GNAQ: variants seen among roughly 807,000 people sequenced by gnomAD.
The protein encoded by GNAQ is G protein subunit alpha q.
GNAQ carries 8 observed loss-of-function variants against 43.9 expected under a neutral mutation model. The ratio of observed to expected loss-of-function variants is 0.18; its 90% CI spans 0.11 to 0.33. GNAQ has a LOEUF of 0.33. Ranked by LOEUF, GNAQ falls within the 10% of genes least tolerant of loss-of-function variation. The pLI is 1.00. For missense variants in GNAQ, 158 were observed against 450.8 expected, an observed-to-expected ratio of 0.35 and a Z score of 5.88; for synonymous variants, 155 against 170.7, an observed-to-expected ratio of 0.91 and a Z score of 0.71.
Position 77,794,467 on chromosome 9 carries a change from T to C in GNAQ, c.731A>G (p.Asn244Ser), listed in dbSNP as rs759267731. The change falls in exon 5 of 7, where the codon AAT (asparagine) becomes AGT (serine). Residue 244 changes from asparagine to serine, a missense_variant. Coordinates refer to ENST00000286548, the MANE Select transcript of GNAQ (RefSeq NM_002072.5). ...EYDQVLVESDNENRMEESKAL... is the reference protein window; with the variant it reads ...EYDQVLVESDSENRMEESKAL... ...GCCTGTCTAAAGAACACTTACCTCATTGTCTGACTCCACGAGAACTTGATC... is the reference window on the plus strand; with the variant it reads ...GCCTGTCTAAAGAACACTTACCTCACTGTCTGACTCCACGAGAACTTGATC... The C allele has an allele frequency of 1.7e-5, 27 of 1,593,042 alleles. No homozygotes were observed. Among genetic ancestry groups the C allele is most frequent in the Admixed American group, 5.1e-5 (3 of 59,140 alleles).
chr9:77,835,052 A>G (rs966316285), intron 2 of GNAQ, among the ~76,000 whole-genome samples: 2 of 152,140 alleles, frequency 1.3e-5, no homozygotes, highest in Non-Finnish European at 2.9e-5. Flanking sequence ...ATCCTAGTAT[A>G]CATTTTTTCC....
intron 2 of GNAQ, among the ~76,000 whole-genome samples, chr9:77,859,703 C>A (rs938848486): frequency 2.0e-5 from 3 of 152,172 alleles, no homozygotes; most frequent in Admixed American, 6.5e-5. Context: ...GGACAGACTG[C>A]ATAACAGCAG....
intron 2 of GNAQ, among the ~76,000 whole-genome samples, chr9:77,883,498 T>C (rs1828249790): frequency 6.6e-6 from 1 of 151,872 alleles, no homozygotes; most frequent in South Asian, 2.1e-4. Flanking sequence ...TCTGTGTTGT[T>C]GTTGTTTTAA....
At chr9:77,773,677 C>T (rs546719089) in intron 5 of GNAQ, among the ~76,000 whole-genome samples, 109 of 152,280 alleles carry the variant, frequency 7.2e-4, no homozygotes, top group African/African-American at 2.4e-3. Flanking sequence ...TTTAAAGTGA[C>T]GATTCACATT....
chr9:77,903,473 A>T (rs1032338545), intron 2 of GNAQ, among the ~76,000 whole-genome samples: 4 of 152,186 alleles, frequency 2.6e-5, no homozygotes, highest in African/African-American at 9.7e-5. Flanking sequence ...TAAGTGTTTA[A>T]AGGAAGATCC....
At chr9:77,825,806 TG>T (rs1827185842) in intron 2 of GNAQ, among the ~76,000 whole-genome samples, 1 of 152,134 alleles carries the variant, frequency 6.6e-6, no homozygotes, top group African/African-American at 2.4e-5. Context: ...GGCGGGAGGC[TG>T]GGACAACAGG....
At chr9:77,728,805 G>C in intron 5 of GNAQ, 138 bp from the exon 6 acceptor site, 1 of 616,642 alleles carries the variant, frequency 1.6e-6, no homozygotes, top group Non-Finnish European at 2.9e-6. Context: ...GATTTGTCAG[G>C]ATTTATATGC....
chr9:77,848,254 A>C (rs569222944), intron 2 of GNAQ, among the ~76,000 whole-genome samples: 1 of 152,282 alleles, frequency 6.6e-6, no homozygotes, highest in South Asian at 2.1e-4. Flanking sequence ...CCCCTCAGTA[A>C]AGTTGAAAGT....
At chr9:77,942,319 G>C (rs1028978628) in intron 1 of GNAQ, among the ~76,000 whole-genome samples, 2 of 152,156 alleles carry the variant, frequency 1.3e-5, no homozygotes, top group Non-Finnish European at 2.9e-5. Context: ...AAATGTCAGA[G>C]AGTGGTCAAG....
chr9:77,833,666 C>T (rs978739074), intron 2 of GNAQ, among the ~76,000 whole-genome samples: 1 of 152,192 alleles, frequency 6.6e-6, no homozygotes, highest in African/African-American at 2.4e-5. Flanking sequence ...TGTAAAATAT[C>T]TTGCATATGA....
intron 3 of GNAQ, among the ~76,000 whole-genome samples, chr9:77,811,375 AAGG>A (rs1277760962): frequency 6.6e-6 from 1 of 152,052 alleles, no homozygotes; most frequent in African/African-American, 2.4e-5. Context: ...ATATGAAAAA[AAGG>A]AGGCAATATA....
At chr9:78,015,069 A>G (rs1427649395) in intron 1 of GNAQ, among the ~76,000 whole-genome samples, 2 of 152,208 alleles carry the variant, frequency 1.3e-5, no homozygotes, top group Non-Finnish European at 2.9e-5. Flanking sequence ...CACCCAGAGC[A>G]ATTTCCAGCC....
chr9:77,887,031 AG>A (rs1828319258), intron 2 of GNAQ, among the ~76,000 whole-genome samples: 1 of 151,946 alleles, frequency 6.6e-6, no homozygotes, highest in Admixed American at 6.6e-5. Context: ...CTAAGGCAGG[AG>A]AATCTCTTGA....
chr9:77,994,454 C>T (rs1476272461), intron 1 of GNAQ, among the ~76,000 whole-genome samples: 1 of 152,186 alleles, frequency 6.6e-6, no homozygotes, highest in Non-Finnish European at 1.5e-5. Context: ...TGTTACTATT[C>T]CTTCAGAACT....
intron 1 of GNAQ, among the ~76,000 whole-genome samples, chr9:77,969,924 G>T (rs947541000): frequency 1.3e-5 from 2 of 152,118 alleles, no homozygotes; most frequent in South Asian, 4.1e-4. Context: ...ATGAGCCAAA[G>T]ATCTGAACCT....
chr9:78,000,594 A>T (rs2075434554), intron 1 of GNAQ, among the ~76,000 whole-genome samples: 1 of 152,232 alleles, frequency 6.6e-6, no homozygotes, highest in South Asian at 2.1e-4. Flanking sequence ...CCTTGCTGAC[A>T]TGGATTACAC....
At chr9:77,725,811 G>A (rs956631018) in intron 6 of GNAQ, among the ~76,000 whole-genome samples, 3 of 152,176 alleles carry the variant, frequency 2.0e-5, no homozygotes, top group Non-Finnish European at 4.4e-5. Context: ...AGTGTGGCTA[G>A]GTATGCTGCA....
intron 1 of GNAQ, among the ~76,000 whole-genome samples, chr9:77,931,430 A>C (rs1195711015): frequency 1.3e-5 from 2 of 151,980 alleles, no homozygotes; most frequent in Admixed American, 1.3e-4. Context: ...ATCTCTACCA[A>C]AAATACAAAA....
At chr9:77,975,533 C>CT (rs1357671560) in intron 1 of GNAQ, among the ~76,000 whole-genome samples, 2 of 140,882 alleles carry the variant, frequency 1.4e-5, no homozygotes, top group African/African-American at 5.5e-5. Flanking sequence ...TTATCAGCCC[C>CT]CCCTTTTTTT....
Sources: gnomAD v4.1 joint callset for allele counts (sites outside exome capture counted in the v4.1 genomes callset) on GRCh38, gnomAD v4.1.1 for gene constraint, MANE v1.5 for transcripts, NCBI Gene and HGNC (gene_info 2026-07-23, HGNC 2026-07-21) for gene names.